PLXDC2: variants seen among roughly 807,000 people sequenced by gnomAD.
PLXDC2 encodes the protein plexin domain containing 2.
A neutral mutation model predicts 68.9 loss-of-function variants in PLXDC2; 40 were observed. The observed-to-expected ratio is 0.58, with a 90% CI of 0.45 to 0.76. The LOEUF (loss-of-function observed/expected upper bound fraction) is 0.76. Ranked by LOEUF, PLXDC2 falls within the 30% of genes least tolerant of loss-of-function variation. PLXDC2 has a pLI of 0.00. For missense variants in PLXDC2, 644 were observed against 661.9 expected, an observed-to-expected ratio of 0.97 and a Z score of 0.30; for synonymous variants, 243 against 234.2, an observed-to-expected ratio of 1.04 and a Z score of -0.34.
intron 12 of PLXDC2, among the ~76,000 whole-genome samples, chr10:20,222,481 G>A (rs1408451312): frequency 6.6e-6 from 1 of 152,174 alleles, no homozygotes; most frequent in African/African-American, 2.4e-5. Context: ...ATTAGGTCCA[G>A]TTAGAGCCTC....
At chr10:19,856,815 G>A (rs553085971) in intron 1 of PLXDC2, among the ~76,000 whole-genome samples, 12 of 152,198 alleles carry the variant, frequency 7.9e-5, no homozygotes, top group African/African-American at 1.9e-4. Context: ...TTTCACAAGC[G>A]TTCTTAAATA....
chr10:20,269,794 G>T (rs1352082783), intron 13 of PLXDC2, among the ~76,000 whole-genome samples: 1 of 152,056 alleles, frequency 6.6e-6, no homozygotes, highest in Admixed American at 6.6e-5. Context: ...GAGGCAGGTG[G>T]ATCACTTGAG....
At chr10:20,186,663 G>GT (rs1834688067) in intron 9 of PLXDC2, among the ~76,000 whole-genome samples, 1 of 151,956 alleles carries the variant, frequency 6.6e-6, no homozygotes, top group Non-Finnish European at 1.5e-5. Flanking sequence ...AAAACATGCA[G>GT]TATTTGGTTT....
At chr10:20,139,872 G>A (rs545777968) in intron 4 of PLXDC2, among the ~76,000 whole-genome samples, 56 of 152,118 alleles carry the variant, frequency 3.7e-4, no homozygotes, top group African/African-American at 1.0e-3. Context: ...GGGGCTTCGG[G>A]AGGGATAGCA....
intron 1 of PLXDC2, among the ~76,000 whole-genome samples, chr10:19,994,017 A>G (rs866473352): frequency 5.3e-5 from 8 of 152,276 alleles, no homozygotes; most frequent in South Asian, 4.1e-4. Context: ...GTTTTAACTT[A>G]AAATTGTTCT....
intron 1 of PLXDC2, among the ~76,000 whole-genome samples, chr10:19,818,951 GA>G (rs144642871): frequency 0.14 from 20,419 of 146,924 alleles, 1,501 homozygotes; most frequent in East Asian, 0.15. Flanking sequence ...TGCAGTAAAG[GA>G]AAAAAAAATA....
chr10:19,828,963 C>T (rs1020835218), intron 1 of PLXDC2, among the ~76,000 whole-genome samples: 1 of 152,120 alleles, frequency 6.6e-6, no homozygotes, highest in African/African-American at 2.4e-5. Context: ...AAATGCAAAT[C>T]TGACTGTGTC....
At chr10:20,225,528 A>G (rs1835274957) in intron 12 of PLXDC2, among the ~76,000 whole-genome samples, 1 of 152,142 alleles carries the variant, frequency 6.6e-6, no homozygotes, top group Non-Finnish European at 1.5e-5. Context: ...TTGTTTGACT[A>G]CTTTTCATGA....
chr10:19,820,343 T>C (rs1836440186), intron 1 of PLXDC2, among the ~76,000 whole-genome samples: 1 of 152,100 alleles, frequency 6.6e-6, no homozygotes, highest in African/African-American at 2.4e-5. Context: ...GTAGAAAATA[T>C]GTGTCCGGCC....
At chr10:20,057,211 A>G (rs1195827655) in intron 3 of PLXDC2, among the ~76,000 whole-genome samples, 1 of 152,174 alleles carries the variant, frequency 6.6e-6, no homozygotes, top group African/African-American at 2.4e-5. Context: ...AAAATGTTTC[A>G]TAACAGAAAA....
chr10:19,889,046 A>C (rs1397866784), intron 1 of PLXDC2, among the ~76,000 whole-genome samples: 1 of 151,962 alleles, frequency 6.6e-6, no homozygotes, highest in Non-Finnish European at 1.5e-5. Context: ...AAAAAATACC[A>C]TTATCTCTGG....
At chr10:19,847,716 T>C (rs1837035976) in intron 1 of PLXDC2, among the ~76,000 whole-genome samples, 1 of 152,244 alleles carries the variant, frequency 6.6e-6, no homozygotes, top group Non-Finnish European at 1.5e-5. Context: ...ACATACATTC[T>C]GTTCTAAATG....
At chr10:20,041,975 T>G (rs1263619993) in intron 2 of PLXDC2, among the ~76,000 whole-genome samples, 1 of 152,200 alleles carries the variant, frequency 6.6e-6, no homozygotes, top group Non-Finnish European at 1.5e-5. Context: ...CTAAAGACTG[T>G]CTCCAAATAC....
chr10:20,133,689 T>C (rs1480896102), intron 4 of PLXDC2, among the ~76,000 whole-genome samples: 14 of 152,166 alleles, frequency 9.2e-5, no homozygotes, highest in Non-Finnish European at 5.9e-5. Context: ...GATGATCTCT[T>C]TATGTCTAAA....
At chr10:20,081,361 C>A (rs1361794278) in intron 4 of PLXDC2, among the ~76,000 whole-genome samples, 1 of 151,700 alleles carries the variant, frequency 6.6e-6, no homozygotes, top group Non-Finnish European at 1.5e-5. Context: ...AAGATACAGA[C>A]CTACTAAATA....
chr10:20,200,741 G>A (rs756888042), intron 9 of PLXDC2, among the ~76,000 whole-genome samples: 8 of 151,894 alleles, frequency 5.3e-5, no homozygotes, highest in Non-Finnish European at 8.8e-5. Flanking sequence ...CTCAAAAGAT[G>A]ATATACAAAT....
intron 13 of PLXDC2, among the ~76,000 whole-genome samples, chr10:20,251,705 A>T (rs976272005): frequency 6.6e-6 from 1 of 152,194 alleles, no homozygotes; most frequent in Admixed American, 6.5e-5. Context: ...CATTCCTATG[A>T]AAGGATTCTA....
chr10:19,927,713 C>CAAAAAAAAAAAA lies in PLXDC2; in HGVS notation c.113-74048_113-74037dup, dbSNP rs35250324. ...GAGACTCCATCTCAAGGAAAAAAAGCAAAAAAAAAAAAAAAAAAAAAAAAA... is the reference window on the plus strand; with the variant it reads ...GAGACTCCATCTCAAGGAAAAAAAGCAAAAAAAAAAAAAAAAAAAAAAAAAAAAAAAAAAAAA... On this transcript the variant is annotated intron_variant, in intron 1 of 13. Coordinates refer to ENST00000377252, the MANE Select transcript of PLXDC2 (RefSeq NM_032812.9). Among the ~76,000 whole-genome samples, 53 of 53,148 alleles carry CAAAAAAAAAAAA rather than the reference C, an allele frequency of 1.0e-3. 1 individual carries two copies. Among genetic ancestry groups the CAAAAAAAAAAAA allele is most frequent in the East Asian group, 1.6e-3 (2 of 1,290 alleles). The allele number at this position is 53,148 out of a possible 152,430, so 34.9% of individuals were successfully genotyped here.
At chr10:20,218,938 C>A in intron 11 of PLXDC2, 126 bp from the exon 12 acceptor site, 2 of 1,026,958 alleles carry the variant, frequency 1.9e-6, no homozygotes, top group Middle Eastern at 2.1e-4. Flanking sequence ...GAAATTACCA[C>A]AATAAATTAT....
Sources: allele counts gnomAD v4.1 joint callset (sites outside exome capture counted in the v4.1 genomes callset), GRCh38; gene constraint gnomAD v4.1.1; transcripts MANE v1.5; gene names NCBI Gene and HGNC (gene_info 2026-07-23, HGNC 2026-07-21).